The following WWC1 variants were observed in gnomAD, a reference collection of about 807,000 sequenced individuals.
The protein encoded by WWC1 is WW and C2 domain containing 1.
Under a neutral mutation model 138.4 loss-of-function variants are expected in WWC1, and 55 were observed. The ratio of observed to expected loss-of-function variants is 0.40; its 90% CI spans 0.32 to 0.50. The LOEUF is 0.50. WWC1 is among the 20% of genes least tolerant of loss of function. WWC1 has a pLI of 0.72. For missense variants in WWC1, 1,226 were observed against 1,420.4 expected (o/e 0.86, Z 2.20); for synonymous variants, 524 against 564.9 (o/e 0.93, Z 1.03).
intron 1 of WWC1, among the ~76,000 whole-genome samples, chr5:168,307,096 A>G (rs1053354232): frequency 1.3e-5 from 2 of 152,242 alleles, no homozygotes; most frequent in Non-Finnish European, 2.9e-5. Flanking sequence ...GGTTGTGCCA[A>G]GCTCTGGGCT....
chr5:168,319,573 C>T (rs1029270927), intron 1 of WWC1, among the ~76,000 whole-genome samples: 1 of 152,196 alleles, frequency 6.6e-6, no homozygotes, highest in African/African-American at 2.4e-5. Flanking sequence ...ACGATCTTAG[C>T]TTACTGCAGC....
intron 8 of WWC1, 78 bp downstream of exon 8, chr5:168,410,073 C>A: frequency 7.4e-7 from 1 of 1,357,950 alleles, no homozygotes; most frequent in Non-Finnish European, 1.1e-6. Flanking sequence ...CTGTGCTTAG[C>A]TTTTCACACA....
At chr5:168,442,021 T>A (rs1357716173) in intron 16 of WWC1, among the ~76,000 whole-genome samples, 187 bp downstream of exon 16, 2 of 152,214 alleles carry the variant, frequency 1.3e-5, no homozygotes, top group African/African-American at 4.8e-5. Context: ...TTCTGCAACT[T>A]GTTCCCTTCC....
At chr5:168,302,670 A>G (rs979473385) in intron 1 of WWC1, among the ~76,000 whole-genome samples, 1 of 152,196 alleles carries the variant, frequency 6.6e-6, no homozygotes, top group African/African-American at 2.4e-5. Flanking sequence ...AGTGAGAGGC[A>G]CAGCTAGTCA....
At chr5:168,348,862 A>G (rs1774696587) in intron 1 of WWC1, among the ~76,000 whole-genome samples, 2 of 152,078 alleles carry the variant, frequency 1.3e-5, no homozygotes, top group Non-Finnish European at 2.9e-5. Flanking sequence ...TTCCCTTCTG[A>G]TGGAAAAGTT....
intron 2 of WWC1, among the ~76,000 whole-genome samples, chr5:168,382,148 G>A (rs1337430601): frequency 6.6e-6 from 1 of 152,140 alleles, no homozygotes; most frequent in Non-Finnish European, 1.5e-5. Flanking sequence ...ATACCATAGC[G>A]TGGAACACTG....
intron 1 of WWC1, among the ~76,000 whole-genome samples, chr5:168,367,002 T>C (rs1238676592): frequency 6.6e-6 from 1 of 151,850 alleles, no homozygotes; most frequent in Non-Finnish European, 1.5e-5. Context: ...TTCACCATGT[T>C]TGCCAGGCTG....
intron 15 of WWC1, among the ~76,000 whole-genome samples, chr5:168,436,429 C>T (rs2152865361): frequency 6.6e-6 from 1 of 152,306 alleles, no homozygotes; most frequent in Admixed American, 6.5e-5. Flanking sequence ...CCTTGATCCT[C>T]CCCTTTTCTA....
intron 1 of WWC1, among the ~76,000 whole-genome samples, chr5:168,331,480 T>A (rs531947566): frequency 3.3e-5 from 5 of 152,272 alleles, no homozygotes; most frequent in African/African-American, 1.2e-4. Context: ...GGAATTTGAG[T>A]TTGCAACCCC....
intron 5 of WWC1, among the ~76,000 whole-genome samples, chr5:168,405,901 A>G (rs1779745567): frequency 6.6e-6 from 1 of 151,444 alleles, no homozygotes; most frequent in South Asian, 2.1e-4. Context: ...TGATTTTTGT[A>G]TTTTTGGTAG....
At chr5:168,345,643 G>A (rs1031262530) in intron 1 of WWC1, among the ~76,000 whole-genome samples, 3 of 152,208 alleles carry the variant, frequency 2.0e-5, no homozygotes, top group Admixed American at 6.5e-5. Flanking sequence ...GACCCATAAA[G>A]ATGTTGACAG....
intron 3 of WWC1, among the ~76,000 whole-genome samples, chr5:168,395,978 C>T (rs963867009): frequency 3.9e-5 from 6 of 152,250 alleles, no homozygotes; most frequent in Non-Finnish European, 7.3e-5. Context: ...TCATGACTGT[C>T]ATGCCTACCT....
chr5:168,377,671 A>G (rs1185955601), intron 2 of WWC1, among the ~76,000 whole-genome samples: 1 of 152,250 alleles, frequency 6.6e-6, no homozygotes, highest in Non-Finnish European at 1.5e-5. Flanking sequence ...TAACAAACAT[A>G]TGAAAAAATG....
intron 5 of WWC1, 34 bp from the exon 6 acceptor site, chr5:168,406,164 C>T (rs1779773103): frequency 3.1e-6 from 5 of 1,611,190 alleles, no homozygotes; most frequent in Non-Finnish European, 4.2e-6. Context: ...CTCACCCTAT[C>T]TAAGGCTGAC....
intron 1 of WWC1, among the ~76,000 whole-genome samples, chr5:168,343,286 T>G (rs1044542715): frequency 6.6e-6 from 1 of 152,210 alleles, no homozygotes; most frequent in Non-Finnish European, 1.5e-5. Flanking sequence ...GCTTCAACAT[T>G]CTGAGTGTTT....
intron 1 of WWC1, among the ~76,000 whole-genome samples, chr5:168,298,094 G>A (rs1378069150): frequency 1.3e-5 from 2 of 151,862 alleles, no homozygotes; most frequent in East Asian, 3.9e-4. Flanking sequence ...GTTGGAGTGC[G>A]GTGGTGCAAT....
Position 168,319,033 on chromosome 5 carries a change from G to A in WWC1, c.119+26762G>A, listed in dbSNP as rs74860596. 1.4e-3 allele frequency among the ~76,000 whole-genome samples: 219 copies of A among 152,242 alleles called. 6 individuals carry two copies. The East Asian group carries it at 0.023, about 16-fold the overall frequency. The stretch of plus-strand genomic sequence containing the variant: ...TACACATACATACACACATATACAC[G>A]ACGTCTTGTTAATCAGTTCATCTGT... On this transcript the variant is annotated intron_variant, in intron 1 of 22. Transcript: ENST00000265293.
At chr5:168,404,793 CT>C (rs1779655278) in intron 5 of WWC1, among the ~76,000 whole-genome samples, 1 of 152,132 alleles carries the variant, frequency 6.6e-6, no homozygotes, top group Admixed American at 6.5e-5. Flanking sequence ...ATCTCTGCCC[CT>C]GGACCTTTTT....
chr5:168,467,929 G>A lies in WWC1; in HGVS notation c.3240G>A (p.Gln1080=). 6 of 1,614,244 alleles carry A rather than the reference G, an allele frequency of 3.7e-6. No homozygotes were observed. The highest frequency in any genetic ancestry group is 5.1e-6 in the Non-Finnish European group (6 of 1,180,038). The change falls in exon 22 of 23, where the codon CAG becomes CAA. Residue 1080 remains glutamine, a synonymous_variant. Transcript: ENST00000265293. ...AAKDVHRLRG[Q]SCKEPPEVQS... ...AGGATGTGCACAGGCTCCGAGGCCA[G>A]AGCTGTAAGGAACCCCCAGAAGTTC...
Sources: allele counts gnomAD v4.1 joint callset (sites outside exome capture counted in the v4.1 genomes callset), GRCh38; gene constraint gnomAD v4.1.1; transcripts MANE v1.5; gene names NCBI Gene and HGNC (gene_info 2026-07-23, HGNC 2026-07-21).